MRNIP: variants seen among roughly 807,000 people sequenced by gnomAD.
The protein encoded by MRNIP is MRN complex interacting protein.
In MRNIP, 30 loss-of-function variants were observed where a neutral mutation model predicts 29.8. The observed-to-expected ratio is 1.01, with a 90% CI of 0.75 to 1.36. The LOEUF is 1.36. MRNIP is among the 40% of genes most tolerant of loss of function. The pLI is 0.00. For synonymous variants in MRNIP, 201 were observed against 164.1 expected (o/e 1.23, Z -1.72); for missense variants, 459 against 423.5 (o/e 1.08, Z -0.74).
intron 1 of MRNIP, among the ~76,000 whole-genome samples, chr5:179,857,244 C>T (rs1246296171): frequency 6.6e-6 from 1 of 152,008 alleles, no homozygotes; most frequent in Non-Finnish European, 1.5e-5. Flanking sequence ...GGGCAGATCA[C>T]GAGGTCAAGA....
intron 1 of MRNIP, among the ~76,000 whole-genome samples, chr5:179,858,036 A>C (rs1249693579): frequency 2.2e-5 from 3 of 137,330 alleles, no homozygotes; most frequent in African/African-American, 5.2e-5. Flanking sequence ...AAGAAGAAGA[A>C]GTCTGATGCT....
intron 4 of MRNIP, among the ~76,000 whole-genome samples, chr5:179,843,041 A>AGAG (rs1554093087): frequency 2.8e-5 from 3 of 106,202 alleles, no homozygotes; most frequent in Non-Finnish European, 5.3e-5. Context: ...AAAGGAGGAA[A>AGAG]GAAGGAAGGA....
At chr5:179,841,630 G>A in intron 5 of MRNIP, 1 of 413,480 alleles carries the variant, frequency 2.4e-6, no homozygotes, top group Non-Finnish European at 4.3e-6. Flanking sequence ...CCTCTCCCCT[G>A]GGGTCAGTAC....
intron 2 of MRNIP, chr5:179,851,075 A>G (rs1582053298): frequency 2.1e-5 from 8 of 387,394 alleles, no homozygotes; most frequent in South Asian, 1.5e-4. Context: ...CTATTGTATT[A>G]AGCCACCACA....
At chr5:179,857,959 C>G (rs1019461672) in intron 1 of MRNIP, among the ~76,000 whole-genome samples, 3 of 147,758 alleles carry the variant, frequency 2.0e-5, no homozygotes, top group Middle Eastern at 3.6e-3. Context: ...TGCGGTGAGC[C>G]GAGATCGCGC....
intron 4 of MRNIP, among the ~76,000 whole-genome samples, chr5:179,843,494 C>CT (rs1758999568): frequency 6.6e-6 from 1 of 152,106 alleles, no homozygotes; most frequent in Non-Finnish European, 1.5e-5. Flanking sequence ...AATCCCAGTA[C>CT]TTTGGGAGCT....
chr5:179,837,952 C>A, intron 6 of MRNIP, 67 bp from the exon 7 acceptor site: 2 of 1,493,336 alleles, frequency 1.3e-6, no homozygotes, highest in South Asian at 1.2e-5. Context: ...GGACCGCCTG[C>A]CCTGCCTGGG....
At chr5:179,852,377 T>A (rs910629021) in intron 2 of MRNIP, among the ~76,000 whole-genome samples, 1 of 151,524 alleles carries the variant, frequency 6.6e-6, no homozygotes, top group African/African-American at 2.4e-5. Context: ...GATAAAGAGG[T>A]TTTTGTGAAA....
chr5:179,847,956 C>T (rs754883181), intron 3 of MRNIP, 22 bp downstream of exon 3: 26 of 1,534,996 alleles, frequency 1.7e-5, no homozygotes, highest in Middle Eastern at 1.7e-4. Flanking sequence ...AAGACAACCA[C>T]GCTCTTCTCA....
At chr5:179,844,945 C>T (rs1290194641) in intron 3 of MRNIP, among the ~76,000 whole-genome samples, 1 of 152,140 alleles carries the variant, frequency 6.6e-6, no homozygotes, top group Non-Finnish European at 1.5e-5. Flanking sequence ...TTTCCTTAAT[C>T]TAAAAATGTT....
At chr5:179,847,172 T>TTG (rs1222409348) in intron 3 of MRNIP, 8 of 140,936 alleles carry the variant, frequency 5.7e-5, no homozygotes, top group Non-Finnish European at 1.2e-4. Flanking sequence ...TTTTTTTTTT[T>TTG]TTTTTTTTTT....
chr5:179,844,240 C>CCATACATA lies in MRNIP; in HGVS notation c.216-21_216-14dup. 6.2e-7 allele frequency: 1 copy of CCATACATA among 1,609,340 alleles called. No individual in the cohort carries two copies. Among genetic ancestry groups the CCATACATA allele is most frequent in the Non-Finnish European group, 8.5e-7 (1 of 1,175,768 alleles). Reference sequence around the variant, plus strand: ...TTCTTCTAGAGACCTTCAGGGAAGACCATACATATGCCCTTTGAAAAATGA... The same window carrying CCATACATA: ...TTCTTCTAGAGACCTTCAGGGAAGACCATACATACATACATATGCCCTTTGAAAAATGA... On this transcript the variant is annotated splice_polypyrimidine_tract_variant and intron_variant, in intron 3 of 6. Coordinates refer to ENST00000292586, the MANE Select transcript of MRNIP (RefSeq NM_016175.4).
chr5:179,851,515 C>A (rs1759365733), intron 2 of MRNIP: 1 of 441,220 alleles, frequency 2.3e-6, no homozygotes, highest in South Asian at 1.6e-5. Context: ...TGATGTCTGG[C>A]TTGTTGGCAG....
intron 3 of MRNIP, 186 bp from the exon 4 acceptor site, chr5:179,844,413 CA>C: frequency 1.9e-6 from 1 of 514,588 alleles, no homozygotes; most frequent in Non-Finnish European, 3.5e-6. Flanking sequence ...GAGGCTGAGG[CA>C]GATAATGTTT....
At chr5:179,846,843 G>A (rs1759154658) in intron 3 of MRNIP, among the ~76,000 whole-genome samples, 1 of 152,116 alleles carries the variant, frequency 6.6e-6, no homozygotes, top group Non-Finnish European at 1.5e-5. Context: ...TGTACACCGA[G>A]GGTGTAGTCC....
At chr5:179,854,266 C>G (rs1269748232) in intron 1 of MRNIP, among the ~76,000 whole-genome samples, 1 of 149,172 alleles carries the variant, frequency 6.7e-6, no homozygotes, top group Non-Finnish European at 1.5e-5. Context: ...GTGATCCACC[C>G]GCCTCGGCCT....
At chr5:179,847,251 T>G (rs1759178052) in intron 3 of MRNIP, 1 of 132,502 alleles carries the variant, frequency 7.5e-6, no homozygotes, top group Admixed American at 9.7e-5. Flanking sequence ...CACTGCAACC[T>G]CTGCCTCCTG....
At chr5:179,846,321 A>G (rs1222296682) in intron 3 of MRNIP, among the ~76,000 whole-genome samples, 1 of 149,702 alleles carries the variant, frequency 6.7e-6, no homozygotes, top group Non-Finnish European at 1.5e-5. Flanking sequence ...GTCTCACTCT[A>G]TTGGCAGGCT....
rs758844815 is a variant in MRNIP, at chr5:179,858,797, C to T, written c.-1G>A. ...CCCGAGAACGCTGAAGCGACGCCATCCCTGCTTGTGCAGTCGCCAGGCAGC... is the reference window on the plus strand; with the variant it reads ...CCCGAGAACGCTGAAGCGACGCCATTCCTGCTTGTGCAGTCGCCAGGCAGC... On this transcript the variant is annotated 5_prime_UTR_variant, in exon 1 of 7. Transcript: ENST00000292586. 1.3e-5 allele frequency: 20 copies of T among 1,540,928 alleles called. No homozygotes were observed. Among genetic ancestry groups the T allele is most frequent in the Non-Finnish European group, 1.7e-5 (19 of 1,144,380 alleles).
Sources: allele counts gnomAD v4.1 joint callset (sites outside exome capture counted in the v4.1 genomes callset), GRCh38; gene constraint gnomAD v4.1.1; transcripts MANE v1.5; gene names NCBI Gene and HGNC (gene_info 2026-07-23, HGNC 2026-07-21).